TRIP4: variants seen among roughly 807,000 people sequenced by gnomAD.
TRIP4 encodes thyroid hormone receptor interactor 4.
In TRIP4, 54 loss-of-function variants were observed where a neutral mutation model predicts 81.8. The observed-to-expected ratio is 0.66, with a 90% CI of 0.53 to 0.83. TRIP4 has a LOEUF of 0.83. Ranked by LOEUF, TRIP4 falls within the 40% of genes least tolerant of loss-of-function variation. The probability of loss-of-function intolerance (pLI) is 0.00; values close to 1 mark genes in which losing one functional copy is unlikely to be tolerated. For synonymous variants in TRIP4, 270 were observed against 242.8 expected (o/e 1.11, Z -1.04); for missense variants, 662 against 683.6 (o/e 0.97, Z 0.35).
At chr15:64,391,500 C>G (rs1398142716) in intron 1 of TRIP4, among the ~76,000 whole-genome samples, 1 of 151,946 alleles carries the variant, frequency 6.6e-6, no homozygotes, top group Admixed American at 6.6e-5. Context: ...AAATAGCTAT[C>G]CACAGAGTTA....
At chr15:64,425,335 G>A (rs773436282) in intron 10 of TRIP4, among the ~76,000 whole-genome samples, 1 of 152,032 alleles carries the variant, frequency 6.6e-6, no homozygotes, top group Admixed American at 6.6e-5. Context: ...CTTAACATGT[G>A]GATAGTGGAC....
intron 6 of TRIP4, among the ~76,000 whole-genome samples, chr15:64,408,327 C>T (rs911046142): frequency 1.4e-5 from 2 of 142,444 alleles, no homozygotes; most frequent in Non-Finnish European, 3.0e-5. Flanking sequence ...GGCGCCATCT[C>T]GGCTTACTGC....
chr15:64,389,172 G>T (rs1015066365), intron 1 of TRIP4, among the ~76,000 whole-genome samples: 1 of 152,168 alleles, frequency 6.6e-6, no homozygotes, highest in African/African-American at 2.4e-5. Context: ...CTACAAAAAT[G>T]GGACTTGATC....
intron 7 of TRIP4, 149 bp downstream of exon 7, chr15:64,409,977 G>A: frequency 1.7e-6 from 1 of 571,722 alleles, no homozygotes; most frequent in Non-Finnish European, 2.9e-6. Context: ...AAGAAAAAAT[G>A]TTTAAATGAG....
chr15:64,453,602 G>T (rs1320260012), intron 12 of TRIP4, among the ~76,000 whole-genome samples: 7 of 152,148 alleles, frequency 4.6e-5, no homozygotes, highest in Admixed American at 4.6e-4. Flanking sequence ...ATGCTCTAAA[G>T]CCCTAATTAA....
chr15:64,397,908 T>C, intron 4 of TRIP4, 90 bp downstream of exon 4: 3 of 1,449,152 alleles, frequency 2.1e-6, no homozygotes, highest in Non-Finnish European at 2.8e-6. Flanking sequence ...TTTTTTTGTT[T>C]TTTTTTGGTT....
At chr15:64,401,135 CTT>C (rs770677961) in intron 5 of TRIP4, among the ~76,000 whole-genome samples, 19 of 135,312 alleles carry the variant, frequency 1.4e-4, no homozygotes, top group Admixed American at 1.5e-4. Flanking sequence ...CTAATATTTA[CTT>C]TTTTTTTTTT....
chr15:64,418,320 C>T (rs1276946474), intron 8 of TRIP4, among the ~76,000 whole-genome samples: 1 of 152,192 alleles, frequency 6.6e-6, no homozygotes, highest in African/African-American at 2.4e-5. Context: ...CCATGTTAGC[C>T]AGACTGGCCT....
intron 12 of TRIP4, among the ~76,000 whole-genome samples, chr15:64,446,230 C>T (rs181988551): frequency 5.9e-5 from 9 of 151,500 alleles, no homozygotes; most frequent in Admixed American, 3.3e-4. Context: ...GCCGAGATCA[C>T]GCCACTGCAC....
intron 8 of TRIP4, among the ~76,000 whole-genome samples, chr15:64,418,206 G>A (rs1335800086): frequency 2.6e-5 from 4 of 152,114 alleles, no homozygotes; most frequent in Non-Finnish European, 5.9e-5. Context: ...CCACCTCCTG[G>A]GTTCAAATGA....
chr15:64,451,471 T>G (rs1435458130), intron 12 of TRIP4, among the ~76,000 whole-genome samples: 7 of 136,844 alleles, frequency 5.1e-5, no homozygotes, highest in African/African-American at 1.9e-4. Flanking sequence ...TGATCTTTTT[T>G]TTTTTTTTTT....
intron 11 of TRIP4, among the ~76,000 whole-genome samples, chr15:64,441,097 C>T (rs1277197868): frequency 2.0e-5 from 3 of 151,922 alleles, no homozygotes; most frequent in African/African-American, 7.2e-5. Flanking sequence ...CCCGGGTTCA[C>T]GCCATTCTCC....
Position 64,387,855 on chromosome 15 carries a change from C to A in TRIP4, c.-9C>A. 1 of 1,543,116 alleles carries A rather than the reference C, an allele frequency of 6.5e-7. No homozygotes were observed. On this transcript the variant is annotated 5_prime_UTR_variant, in exon 1 of 13. The change creates a new upstream start codon in the 5' untranslated region. Transcript: ENST00000261884. ...GCTTTTGCAGCTCAGCTGGTTCCGG[C>A]TGGGGAAGATGGCGGTGGCTGGGGC...
chr15:64,415,943 GAGTA>G (rs778593183), intron 8 of TRIP4, among the ~76,000 whole-genome samples: 1 of 152,184 alleles, frequency 6.6e-6, no homozygotes, highest in Admixed American at 6.5e-5. Flanking sequence ...TTGGAGGGAA[GAGTA>G]AGTAAGATTA....
At chr15:64,399,651 A>T (rs1232795507) in intron 4 of TRIP4, among the ~76,000 whole-genome samples, 3 of 151,926 alleles carry the variant, frequency 2.0e-5, no homozygotes, top group Non-Finnish European at 4.4e-5. Context: ...ACAGGTGCCC[A>T]CTACCACGCC....
chr15:64,449,873 T>C (rs1226846318), intron 12 of TRIP4, among the ~76,000 whole-genome samples: 2 of 152,250 alleles, frequency 1.3e-5, no homozygotes, highest in Non-Finnish European at 2.9e-5. Flanking sequence ...ATGAGAGTTA[T>C]ATCAATTAAT....
chr15:64,409,545 T>C, intron 6 of TRIP4, 68 bp from the exon 7 acceptor site: 1 of 1,457,148 alleles, frequency 6.9e-7, no homozygotes, highest in South Asian at 1.2e-5. Flanking sequence ...ACCTTGAAAC[T>C]GTTTTCCAAT....
chr15:64,426,025 T>C (rs989256602), intron 11 of TRIP4, among the ~76,000 whole-genome samples: 8 of 151,874 alleles, frequency 5.3e-5, no homozygotes, highest in East Asian at 3.9e-4. Flanking sequence ...GGAGGTTGCA[T>C]TGAGCTGAGG....
intron 11 of TRIP4, among the ~76,000 whole-genome samples, chr15:64,441,918 A>G (rs1350035967): frequency 6.6e-6 from 1 of 152,336 alleles, no homozygotes; most frequent in East Asian, 1.9e-4. Flanking sequence ...TTCTGAAGGA[A>G]GAGAGGGAAG....
Sources: gnomAD v4.1 joint callset for allele counts (sites outside exome capture counted in the v4.1 genomes callset) on GRCh38, gnomAD v4.1.1 for gene constraint, MANE v1.5 for transcripts, NCBI Gene and HGNC (gene_info 2026-07-23, HGNC 2026-07-21) for gene names.